The following AK5 variants were observed in gnomAD, a reference collection of about 807,000 sequenced individuals.
The protein encoded by AK5 is adenylate kinase isoenzyme 5.
In AK5, 27 loss-of-function variants were observed where a neutral mutation model predicts 69.5. The ratio of observed to expected loss-of-function variants is 0.39; its 90% CI spans 0.29 to 0.54. AK5 has a LOEUF of 0.54. AK5 is among the 20% of genes least tolerant of loss of function. AK5 has a pLI of 0.71. For synonymous variants in AK5, 260 were observed against 244.4 expected (o/e 1.06, Z -0.60); for missense variants, 531 against 700.4 (o/e 0.76, Z 2.73).
chr1:77,493,328 GC>G (rs138633618), intron 10 of AK5, among the ~76,000 whole-genome samples: 2 of 150,760 alleles, frequency 1.3e-5, no homozygotes, highest in South Asian at 2.1e-4. Flanking sequence ...GACACCAGCA[GC>G]CCCCCCCAGG....
chr1:77,376,451 C>A (rs67569238), intron 6 of AK5, among the ~76,000 whole-genome samples: 13,073 of 40,720 alleles, frequency 0.32, 2,845 homozygotes, highest in Middle Eastern at 0.43. Context: ...AAAAAAAAAA[C>A]AAAAAAAAAA....
intron 8 of AK5, among the ~76,000 whole-genome samples, chr1:77,427,792 A>G (rs892526511): frequency 1.3e-5 from 2 of 152,260 alleles, no homozygotes; most frequent in Admixed American, 1.3e-4. Context: ...TTCTGCTAAG[A>G]AAAGAAATAA....
intron 8 of AK5, among the ~76,000 whole-genome samples, chr1:77,477,033 T>C (rs1317165135): frequency 1.4e-5 from 2 of 138,146 alleles, no homozygotes; most frequent in African/African-American, 2.6e-5. Context: ...TGTGTGTGCG[T>C]GTGTGTGTTT....
At chr1:77,294,299 T>A (rs1005127844) in intron 3 of AK5, among the ~76,000 whole-genome samples, 6 of 152,154 alleles carry the variant, frequency 3.9e-5, no homozygotes, top group African/African-American at 1.2e-4. Flanking sequence ...CAATTGAAGT[T>A]TTCTGAGAGC....
At chr1:77,450,388 G>T (rs1653070848) in intron 8 of AK5, among the ~76,000 whole-genome samples, 1 of 152,126 alleles carries the variant, frequency 6.6e-6, no homozygotes, top group African/African-American at 2.4e-5. Flanking sequence ...TTTTCACACT[G>T]CTCATAAAGA....
At chr1:77,510,526 A>AAAAG (rs1238584177) in intron 10 of AK5, among the ~76,000 whole-genome samples, 1 of 152,198 alleles carries the variant, frequency 6.6e-6, no homozygotes, top group Non-Finnish European at 1.5e-5. Flanking sequence ...AAAAAAAAGA[A>AAAAG]AAAGAAAGAA....
At chr1:77,389,682 C>T (rs1296428730) in intron 6 of AK5, among the ~76,000 whole-genome samples, 1 of 152,110 alleles carries the variant, frequency 6.6e-6, no homozygotes, top group African/African-American at 2.4e-5. Context: ...TTTTTTAAGG[C>T]TGGGCACGAT....
chr1:77,376,898 G>T (rs560156576), intron 6 of AK5, among the ~76,000 whole-genome samples: 1 of 152,256 alleles, frequency 6.6e-6, no homozygotes, highest in South Asian at 2.1e-4. Context: ...CTCCAGCCTG[G>T]GCAACAGAGT....
chr1:77,504,494 T>C (rs1656918511), intron 10 of AK5, among the ~76,000 whole-genome samples: 1 of 152,132 alleles, frequency 6.6e-6, no homozygotes, highest in Non-Finnish European at 1.5e-5. Flanking sequence ...TTTAAAAACC[T>C]ACTTTTTATA....
chr1:77,372,845 C>T (rs537072000), intron 6 of AK5, among the ~76,000 whole-genome samples: 2 of 151,850 alleles, frequency 1.3e-5, no homozygotes, highest in South Asian at 4.2e-4. Flanking sequence ...AATATTTGTT[C>T]TTAGAATTTT....
intron 10 of AK5, among the ~76,000 whole-genome samples, chr1:77,498,845 A>C (rs75617952): frequency 1.6e-3 from 240 of 152,342 alleles, no homozygotes; most frequent in African/African-American, 5.5e-3. Flanking sequence ...TTGTTTCCTC[A>C]ATGTTTCTTC....
rs184771067 is a variant in AK5, at chr1:77,518,970, G to T, written c.1311+243G>T. Among the ~76,000 whole-genome samples, 44 of 152,220 alleles carry T rather than the reference G, an allele frequency of 2.9e-4. 1 individual carries two copies. In the East Asian group the frequency reaches 8.5e-3, roughly 29 times the overall value. ...TGCTCTACCAGGCCCTCAAATGTTG[G>T]CCTAATTTCACATTTTTCCCCTAAA... On this transcript the variant is annotated intron_variant, in intron 11 of 13. Transcript: ENST00000354567.
At chr1:77,333,795 C>T (rs1053072173) in intron 5 of AK5, among the ~76,000 whole-genome samples, 4 of 152,196 alleles carry the variant, frequency 2.6e-5, no homozygotes, top group Non-Finnish European at 5.9e-5. Flanking sequence ...AGAGTTTACC[C>T]ACTCCTCTTC....
At chr1:77,432,103 GT>G (rs1212146535) in intron 8 of AK5, among the ~76,000 whole-genome samples, 1 of 152,002 alleles carries the variant, frequency 6.6e-6, no homozygotes, top group Non-Finnish European at 1.5e-5. Context: ...TTTTGGTTTT[GT>G]TTTTTTCTTG....
In AK5 at chr1:77,371,730, G is replaced by A. The variant is rs376483471; in HGVS notation, c.891+31162G>A. 8.5e-5 allele frequency among the ~76,000 whole-genome samples: 13 copies of A among 152,294 alleles called. No homozygotes were observed. In the South Asian group the frequency reaches 1.2e-3, roughly 15 times the overall value. On this transcript the variant is annotated intron_variant, in intron 6 of 13. Transcript: ENST00000354567. Reference sequence around the variant, plus strand: ...TTAGAAGGACTTAAAAAGATAAGGAGCTTGGCATTTAATAAATGGAAGTCT... The same window carrying A: ...TTAGAAGGACTTAAAAAGATAAGGAACTTGGCATTTAATAAATGGAAGTCT...
Position 77,286,979 on chromosome 1 carries a change from T to A in AK5, c.99T>A (p.Asp33Glu). ...GACTGATGTGTTCTAAGCCCGAAGA[T>A]CCAGTAGAATACTTGGAAAGTTGTT... is the stretch of plus-strand genomic sequence containing the variant. ...LNGLMCSKPE[D>E]PVEYLESCLQ... Residue 33 changes from aspartate (D) to glutamate (E), a missense_variant, in exon 2 of 14, where the codon GAT becomes GAA. Coordinates refer to ENST00000354567, the MANE Select transcript of AK5 (RefSeq NM_174858.3). 6.3e-7 allele frequency: 1 copy of A among 1,599,138 alleles called. No homozygotes were observed. The highest frequency in any genetic ancestry group is 8.5e-7 in the Non-Finnish European group (1 of 1,172,046).
chr1:77,462,685 TA>T (rs2100679383), intron 8 of AK5, among the ~76,000 whole-genome samples: 1 of 152,232 alleles, frequency 6.6e-6, no homozygotes, highest in East Asian at 1.9e-4. Flanking sequence ...TGCATAAAAG[TA>T]GGAAAAATAC....
At chr1:77,403,294 A>G (rs912463448) in intron 6 of AK5, among the ~76,000 whole-genome samples, 2 of 152,082 alleles carry the variant, frequency 1.3e-5, no homozygotes, top group African/African-American at 4.8e-5. Context: ...GAAGCTCTTT[A>G]GTTTAATTAG....
chr1:77,282,868 A>G, intron 1 of AK5: 1 of 986,716 alleles, frequency 1.0e-6, no homozygotes, highest in Non-Finnish European at 1.2e-6. Context: ...CTTGGAAGAG[A>G]GGGATGAAGA....
Sources: gnomAD v4.1 joint callset for allele counts (sites outside exome capture counted in the v4.1 genomes callset) on GRCh38, gnomAD v4.1.1 for gene constraint, MANE v1.5 for transcripts, NCBI Gene and HGNC (gene_info 2026-07-23, HGNC 2026-07-21) for gene names.